CSNK1D: variants seen among roughly 807,000 people sequenced by gnomAD.
CSNK1D encodes casein kinase I isoform delta.
A neutral mutation model predicts 46.6 loss-of-function variants in CSNK1D; 16 were observed. That is an observed-to-expected ratio of 0.34 (90% CI 0.23 to 0.52). CSNK1D has a LOEUF of 0.52. CSNK1D is among the 20% of genes least tolerant of loss of function. CSNK1D has a pLI of 0.95. For synonymous variants in CSNK1D, 276 were observed against 228.2 expected (o/e 1.21, Z -1.89); for missense variants, 398 against 578.4 (o/e 0.69, Z 3.20).
chr17:82,267,464 C>T (rs1467347023), intron 1 of CSNK1D, among the ~76,000 whole-genome samples: 1 of 152,154 alleles, frequency 6.6e-6, no homozygotes, highest in East Asian at 1.9e-4. Flanking sequence ...CCAGCCTGGG[C>T]CCCAAACCCC....
chr17:82,240,740 G>A (rs1397744127), downstream of CSNK1D, among the ~76,000 whole-genome samples: 6 of 152,234 alleles, frequency 3.9e-5, no homozygotes, highest in East Asian at 1.9e-4. Context: ...CGTGCTCAGT[G>A]ATTCAGGAGT....
At position 82,249,415 on chromosome 17, in the gene CSNK1D, G is replaced by A. The variant is rs1473531559; in HGVS notation, c.1057+16C>T. 6.5e-7 allele frequency: 1 copy of A among 1,534,184 alleles called. No individual in the cohort carries two copies. The highest frequency in any genetic ancestry group is 2.0e-5 in the Admixed American group (1 of 50,914). On this transcript the variant is annotated intron_variant, in intron 7 of 8. Transcript: ENST00000314028. The surrounding 1 kb of genome is among the most constrained non-coding windows in gnomAD (Gnocchi z 6.7). ...CCCCAGAGCCAGCCCCAGAGCGCTG[G>A]GAGGGGGGCACTCACCCGTGTGTGA...
intron 8 of CSNK1D, chr17:82,245,120 G>C (rs1055598581): frequency 1.7e-6 from 1 of 577,808 alleles, no homozygotes; most frequent in African/African-American, 1.9e-5. Context: ...GGGTGCTCCT[G>C]CCTCCCTTCC....
rs76619769 is a variant in CSNK1D at position 82,255,255 on chromosome 17, A to G, written c.336+174T>C. ...CCTCGAGAAGCCAGTGAGCGGAGCC[A>G]CCGGAGCCTCGAGAAGCCAGTGAGC... On this transcript the variant is annotated intron_variant, in intron 3 of 8. Transcript: ENST00000314028. This position sits in a 1 kb window ranked among gnomAD's most constrained non-coding sequence, Gnocchi z 5.9. 4.5e-3 allele frequency: 3,228 copies of G among 718,680 alleles called. 11 individuals are homozygous for G. The highest frequency in any genetic ancestry group is 6.1e-3 in the Admixed American group (274 of 44,626). The allele number at this position is 718,680 out of a possible 1,614,324, so 44.5% of individuals were successfully genotyped here. A position where few individuals can be genotyped will look rare whatever the true frequency, so the allele number is the denominator to read the frequency against.
In CSNK1D at chr17:82,250,036, G is replaced by C. The variant is rs1847843697; in HGVS notation, c.886-434C>G. ...GGGATGAGAGCGTTTGGTCGGACGA[G>C]GAGTACACTCAGGGTCCGGACCCTG... On this transcript the variant is annotated intron_variant, in intron 6 of 8. Coordinates refer to ENST00000314028, the MANE Select transcript of CSNK1D (RefSeq NM_001893.6). This position sits in a 1 kb window ranked among gnomAD's most constrained non-coding sequence, Gnocchi z 4.6. 34 of 1,260,532 alleles carry C rather than the reference G, an allele frequency of 2.7e-5. No homozygotes were observed. In the South Asian group the frequency reaches 3.9e-4, roughly 14 times the overall value. 78.1% of individuals were successfully genotyped at this position (1,260,532 alleles called of 1,614,324 possible). A position where few individuals can be genotyped will look rare whatever the true frequency, so the allele number is the denominator to read the frequency against.
Position 82,265,796 on chromosome 17 carries a change from C to G in CSNK1D, c.77G>C (p.Gly26Ala), listed in dbSNP as rs1259310087. 5 of 1,613,308 alleles carry G rather than the reference C, an allele frequency of 3.1e-6. No individual in the cohort carries two copies. Among genetic ancestry groups the G allele is most frequent in the Non-Finnish European group, 4.2e-6 (5 of 1,179,362 alleles). Residue 26 changes from glycine to alanine, a missense_variant and splice_region_variant, in exon 2 of 9, where the codon GGT becomes GCT. By Grantham distance (60) the Gly-to-Ala change is moderately conservative (BLOSUM62 0). Coordinates refer to ENST00000314028, the MANE Select transcript of CSNK1D (RefSeq NM_001893.6). ...GSGSFGDIYLGTDIAAGEEVA... is the reference protein window; with the variant it reads ...GSGSFGDIYLATDIAAGEEVA... The stretch of plus-strand genomic sequence containing the variant: ...CTCTTCTCCTGCAGCAATGTCCGTA[C>G]CTTGGCAAAGAAAGAAAACCACAAC...
At position 82,255,823 on chromosome 17, in the gene CSNK1D, A is replaced by G. The variant is rs1053903021; in HGVS notation, c.188-246T>C. Among the ~76,000 whole-genome samples the G allele has an allele frequency of 6.6e-6, 1 of 152,232 alleles. No individual in the cohort carries two copies. The highest frequency in any genetic ancestry group is 2.4e-5 in the African/African-American group (1 of 41,466). On this transcript the variant is annotated intron_variant, in intron 2 of 8. Transcript: ENST00000314028. The surrounding 1 kb of genome is among the most constrained non-coding windows in gnomAD (Gnocchi z 5.9). ...GCAGACAGGAGCTGTAAGGGGGACA[A>G]GGAGGGGATCGAAGCCCCACCTCCC...
At chr17:82,241,813 G>A (rs939006369), downstream of CSNK1D, among the ~76,000 whole-genome samples, 1 of 152,228 alleles carries the variant, frequency 6.6e-6, no homozygotes, top group Non-Finnish European at 1.5e-5. Flanking sequence ...TGGGCAGGAG[G>A]GGCTGGCAGA....
intron 8 of CSNK1D, chr17:82,245,070 C>T (rs1056397422): frequency 5.6e-5 from 35 of 620,088 alleles, no homozygotes; most frequent in African/African-American, 2.0e-4. Context: ...CCCGCGGAGC[C>T]GGGCTCGGCA....
chr17:82,264,403 G>C (rs767914382), intron 2 of CSNK1D, among the ~76,000 whole-genome samples: 22 of 152,186 alleles, frequency 1.4e-4, no homozygotes, highest in Non-Finnish European at 3.1e-4. Context: ...TGCTCCATCA[G>C]CCCAACTGTT....
rs111504712 is a variant in CSNK1D at position 82,249,928 on chromosome 17, G to A, written c.886-326C>T. The A allele has an allele frequency of 2.7e-4, 351 of 1,299,146 alleles. No individual in the cohort carries two copies. The highest frequency in any genetic ancestry group is 2.8e-4 in the Non-Finnish European group (288 of 1,012,402). 80.5% of individuals were successfully genotyped at this position (1,299,146 alleles called of 1,614,324 possible). Reference sequence around the variant, plus strand: ...GCTCTGTGAACATGCTCACTAACACGTGCAGAAAGAGGAGAGGGACAGGAA... The same window carrying A: ...GCTCTGTGAACATGCTCACTAACACATGCAGAAAGAGGAGAGGGACAGGAA... On this transcript the variant is annotated intron_variant, in intron 6 of 8. Coordinates refer to ENST00000314028, the MANE Select transcript of CSNK1D (RefSeq NM_001893.6). The surrounding 1 kb of genome is among the most constrained non-coding windows in gnomAD (Gnocchi z 6.7).
chr17:82,248,272 C>T lies in CSNK1D; in HGVS notation c.1197+603G>A, dbSNP rs776516144. On this transcript the variant is annotated intron_variant, in intron 8 of 8. Coordinates refer to ENST00000314028, the MANE Select transcript of CSNK1D (RefSeq NM_001893.6). The surrounding 1 kb of genome is among the most constrained non-coding windows in gnomAD (Gnocchi z 4.1). ...AGCAAACGCAAAAGACAACAAAAGC[C>T]AGAGCGAGGAGAGGAGAGACCGCTG... 8.1e-6 allele frequency: 8 copies of T among 986,406 alleles called. No individual in the cohort carries two copies. Among genetic ancestry groups the T allele is most frequent in the Non-Finnish European group, 9.6e-6 (8 of 830,640 alleles). 61.1% of individuals were successfully genotyped at this position (986,406 alleles called of 1,614,324 possible). A position where few individuals can be genotyped will look rare whatever the true frequency, so the allele number is the denominator to read the frequency against.
intron 1 of CSNK1D, among the ~76,000 whole-genome samples, chr17:82,267,271 T>G (rs1227874865): frequency 6.6e-6 from 1 of 152,184 alleles, no homozygotes; most frequent in Non-Finnish European, 1.5e-5. Flanking sequence ...GACGTCTGTT[T>G]CATGAGAGTT....
At chr17:82,239,836 C>T (rs2050715348), downstream of CSNK1D, 2 of 440,894 alleles carry the variant, frequency 4.5e-6, no homozygotes, top group Admixed American at 8.8e-5. Context: ...TGGTCAGTGC[C>T]CAGGGCTGGT....
downstream of CSNK1D, chr17:82,239,913 C>A: frequency 2.0e-6 from 2 of 1,022,234 alleles, no homozygotes; most frequent in Non-Finnish European, 1.3e-6. Context: ...CTAACACCCA[C>A]CTGCCCTCGT....
rs766011974 is a variant in CSNK1D, at chr17:82,251,567, A to G, written c.737-40T>C. On this transcript the variant is annotated intron_variant, in intron 5 of 8. Coordinates refer to ENST00000314028, the MANE Select transcript of CSNK1D (RefSeq NM_001893.6). The surrounding 1 kb of genome is among the most constrained non-coding windows in gnomAD (Gnocchi z 4.5). ...ACTCAAAGCTAACTCATGAAACCCA[A>G]CTGCGACTCAAGGTGTCTCTGCCAA... 1.2e-6 allele frequency: 2 copies of G among 1,610,676 alleles called. No homozygotes were observed. The highest frequency in any genetic ancestry group is 2.7e-5 in the African/African-American group (2 of 74,820).
chr17:82,265,061 A>G (rs1203148416), intron 2 of CSNK1D, among the ~76,000 whole-genome samples: 3 of 152,006 alleles, frequency 2.0e-5, no homozygotes, highest in Non-Finnish European at 4.4e-5. Flanking sequence ...GGCCTCCCAA[A>G]GTGCTGGGAT....
At chr17:82,265,338 T>A (rs1452321791) in intron 2 of CSNK1D, 3 of 351,396 alleles carry the variant, frequency 8.5e-6, no homozygotes, top group Admixed American at 3.9e-5. Flanking sequence ...GCCATCACAC[T>A]TGGCTAATTT....
chr17:82,250,153 G>C lies in CSNK1D; in HGVS notation c.886-551C>G, dbSNP rs2050964128. Reference sequence around the variant, plus strand: ...CTATCCAGATGCACGGGGGTGGGGAGGTCAGATTTTAAGCCGAGACAGCAA... The same window carrying C: ...CTATCCAGATGCACGGGGGTGGGGACGTCAGATTTTAAGCCGAGACAGCAA... On this transcript the variant is annotated intron_variant, in intron 6 of 8. Transcript: ENST00000314028. This position sits in a 1 kb window ranked among gnomAD's most constrained non-coding sequence, Gnocchi z 4.6. 2 of 1,290,220 alleles carry C rather than the reference G, an allele frequency of 1.6e-6. No individual in the cohort carries two copies. Among genetic ancestry groups the C allele is most frequent in the African/African-American group, 1.5e-5 (1 of 66,010 alleles). The allele number at this position is 1,290,220 out of a possible 1,614,324, so 79.9% of individuals were successfully genotyped here. A position where few individuals can be genotyped will look rare whatever the true frequency, so the allele number is the denominator to read the frequency against.
Sources: gnomAD v4.1 joint callset for allele counts (sites outside exome capture counted in the v4.1 genomes callset) on GRCh38, gnomAD v4.1.1 for gene constraint, Gnocchi (gnomAD v3.1) non-coding constraint, MANE v1.5 for transcripts, NCBI Gene and HGNC (gene_info 2026-07-23, HGNC 2026-07-21) for gene names.